Variants in MAP1B observed in about 807,000 individuals in gnomAD.
MAP1B encodes microtubule associated protein 1B.
In MAP1B, 12 loss-of-function variants were observed where a neutral mutation model predicts 176.1. The observed-to-expected ratio is 0.07, with a 90% CI of 0.04 to 0.11. MAP1B has a LOEUF of 0.11. Among genes scored for constraint, MAP1B ranks in the 10% least tolerant of loss-of-function variants. The pLI is 1.00. For missense variants in MAP1B, 2,523 were observed against 2,990.5 expected (o/e 0.84, Z 3.65); for synonymous variants, 1,044 against 1,135.0 (o/e 0.92, Z 1.61).
intron 2 of MAP1B, among the ~76,000 whole-genome samples, chr5:72,129,368 C>T (rs1344995881): frequency 2.0e-5 from 3 of 152,120 alleles, no homozygotes; most frequent in African/African-American, 2.4e-5. Context: ...CCAGCCTGGC[C>T]AACATGGCGA....
At chr5:72,127,610 A>T (rs1031371836) in intron 2 of MAP1B, among the ~76,000 whole-genome samples, 2 of 152,216 alleles carry the variant, frequency 1.3e-5, no homozygotes, top group African/African-American at 4.8e-5. Flanking sequence ...GTATAATTTT[A>T]AAAAAGTTAA....
rs771304361 is a variant in MAP1B at position 72,197,961 on chromosome 5, G to A, written c.4606G>A (p.Glu1536Lys). The A allele has an allele frequency of 1.9e-5, 31 of 1,614,096 alleles. No homozygotes were observed. The Admixed American group carries it at 3.0e-4, about 16-fold the overall frequency. The change falls in exon 5 of 7, where the codon GAG becomes AAG. Residue 1536 changes from glutamate to lysine, a missense_variant. This residue lies in a region of MAP1B where 1,925 missense variants were observed against 2,126.0 expected (regional missense o/e 0.91). Transcript: ENST00000296755. The part of the protein sequence containing the change: ...VSDKSATPVD[E>K]GVAEDTYSHM... ...AGACAAGTCAGCTACTCCTGTTGAT[G>A]AGGGCGTAGCAGAAGACACGTACTC...
rs758090609 is a variant in MAP1B, at chr5:72,186,763, G to C, written c.510+9G>C. The C allele has an allele frequency of 3.1e-6, 5 of 1,613,846 alleles. No individual in the cohort carries two copies. Among genetic ancestry groups the C allele is most frequent in the Non-Finnish European group, 3.4e-6 (4 of 1,180,024 alleles). The stretch of plus-strand genomic sequence containing the variant: ...TTTTCACCGATCAAGAGGTAGGTTC[G>C]TGTCTGAGAATATCTGTGCTTCTAG... On this transcript the variant is annotated intron_variant, in intron 4 of 6. Coordinates refer to ENST00000296755, the MANE Select transcript of MAP1B (RefSeq NM_005909.5). This position sits in a 1 kb window ranked among gnomAD's most constrained non-coding sequence, Gnocchi z 4.3.
intron 1 of MAP1B, among the ~76,000 whole-genome samples, chr5:72,108,574 C>G (rs1453197759): frequency 6.6e-6 from 1 of 152,204 alleles, no homozygotes; most frequent in Admixed American, 6.5e-5. Context: ...ACGCCGGGGA[C>G]CCTGGGCGGG....
At chr5:72,184,386 C>A (rs1346042324) in intron 3 of MAP1B, among the ~76,000 whole-genome samples, 1 of 152,224 alleles carries the variant, frequency 6.6e-6, no homozygotes, top group Non-Finnish European at 1.5e-5. Flanking sequence ...TATTTACTGT[C>A]TTTGTCTCCG....
In MAP1B at chr5:72,197,604, G is replaced by T; in HGVS notation, c.4249G>T (p.Asp1417Tyr). The T allele has an allele frequency of 6.2e-7, 1 of 1,614,182 alleles. No homozygotes were observed. Among genetic ancestry groups the T allele is most frequent in the Non-Finnish European group, 8.5e-7 (1 of 1,180,036 alleles). Residue 1417 changes from aspartate (D) to tyrosine (Y), a missense_variant, in exon 5 of 7, where the codon GAT (aspartate) becomes TAT (tyrosine). Physicochemically the swap from Asp to Tyr is radical, Grantham distance 160. Around this residue, in one of 4 missense-constraint regions of MAP1B, gnomAD observed 1,925 missense variants for 2,126.0 expected, o/e 0.91. Transcript: ENST00000296755. ...ESAYESFLSA[D>Y]DKASGRGAES... is the part of the protein sequence containing the mutation. ...TGCTTATGAAAGTTTTCTAAGTGCT[G>T]ATGACAAGGCTTCTGGCAGAGGTGC...
chr5:72,199,348 G>A lies in MAP1B; in HGVS notation c.5993G>A (p.Gly1998Asp). The A allele has an allele frequency of 5.0e-6, 8 of 1,614,052 alleles. No individual in the cohort carries two copies. Among genetic ancestry groups the A allele is most frequent in the African/African-American group, 1.3e-5 (1 of 75,020 alleles). Reference sequence around the variant, plus strand: ...GGCTATGATGACTCTGAGGATGGTGGCCACACACTTGGGGACCCCAGCTAC... The same window carrying A: ...GGCTATGATGACTCTGAGGATGGTGACCACACACTTGGGGACCCCAGCTAC... The part of the protein sequence containing the change: ...SNGYDDSEDG[G>D]HTLGDPSYSY... Residue 1998 changes from glycine (G) to aspartate (D), a missense_variant, in exon 5 of 7, where the codon GGC (glycine) becomes GAC (aspartate). Around this residue, in one of 4 missense-constraint regions of MAP1B, gnomAD observed 1,925 missense variants for 2,126.0 expected, o/e 0.91. Coordinates refer to ENST00000296755, the MANE Select transcript of MAP1B (RefSeq NM_005909.5). This position sits in a 1 kb window ranked among gnomAD's most constrained non-coding sequence, Gnocchi z 4.2.
intron 2 of MAP1B, among the ~76,000 whole-genome samples, chr5:72,125,830 T>G (rs1468200844): frequency 1.3e-5 from 2 of 151,820 alleles, no homozygotes; most frequent in African/African-American, 4.9e-5. Flanking sequence ...TGGAGCTACA[T>G]TTTAGATTAA....
In MAP1B at chr5:72,200,702, C is replaced by T. The variant is rs578195314; in HGVS notation, c.7012+335C>T. On this transcript the variant is annotated intron_variant, in intron 5 of 6. Transcript: ENST00000296755. ...TCAGGTGCTTCTGGAAGACTGGTTT[C>T]AGCCATACTGGCCTCAGAATCCAGC... is the stretch of plus-strand genomic sequence containing the variant. 2.0e-3 allele frequency among the ~76,000 whole-genome samples: 309 copies of T among 152,290 alleles called. 1 individual carries two copies. The highest frequency in any genetic ancestry group is 7.1e-3 in the African/African-American group (297 of 41,566).
intron 2 of MAP1B, among the ~76,000 whole-genome samples, chr5:72,135,723 C>A (rs1745827882): frequency 6.6e-6 from 1 of 152,156 alleles, no homozygotes; most frequent in Non-Finnish European, 1.5e-5. Flanking sequence ...AAGGATGAAT[C>A]CAATCCAGAT....
chr5:72,186,665 G>C lies in MAP1B; in HGVS notation c.421G>C (p.Gly141Arg), dbSNP rs775427821. ...AARHKLLVLT[G>R]QCFENTGELI... ...CCGACACAAGCTGCTCGTGCTGACC[G>C]GGCAGTGCTTTGAAAATACCGGAGA... is the stretch of plus-strand genomic sequence containing the variant. The change falls in exon 4 of 7, where the codon GGG becomes CGG. Residue 141 changes from glycine (G) to arginine (R), a missense_variant. Physicochemically the swap from Gly to Arg is moderately radical, Grantham distance 125 (BLOSUM62 -2). This residue lies in a region of MAP1B where 307 missense variants were observed against 438.4 expected (regional missense o/e 0.70). Transcript: ENST00000296755. This position sits in a 1 kb window ranked among gnomAD's most constrained non-coding sequence, Gnocchi z 4.3. 11 of 1,614,186 alleles carry C rather than the reference G, an allele frequency of 6.8e-6. No homozygotes were observed. The highest frequency in any genetic ancestry group is 8.5e-6 in the Non-Finnish European group (10 of 1,180,048).
chr5:72,143,348 C>T (rs1302008637), intron 2 of MAP1B, among the ~76,000 whole-genome samples: 1 of 152,068 alleles, frequency 6.6e-6, no homozygotes, highest in East Asian at 1.9e-4. Flanking sequence ...TACAGTGAGG[C>T]CTTGTTTAAG....
chr5:72,202,245 G>A (rs182641783), intron 5 of MAP1B, among the ~76,000 whole-genome samples: 29 of 152,266 alleles, frequency 1.9e-4, no homozygotes, highest in Admixed American at 4.6e-4. Context: ...AGTAGAGGGC[G>A]AAATTGGCAG....
At chr5:72,108,960 A>G (rs1050244486) in intron 1 of MAP1B, among the ~76,000 whole-genome samples, 2 of 152,204 alleles carry the variant, frequency 1.3e-5, no homozygotes, top group Non-Finnish European at 2.9e-5. Context: ...TCCGGGAGAC[A>G]CCGGTTGGTG....
chr5:72,134,352 G>T (rs577195603), intron 2 of MAP1B, among the ~76,000 whole-genome samples: 2 of 152,270 alleles, frequency 1.3e-5, no homozygotes, highest in African/African-American at 4.8e-5. Context: ...CCAGTGAGAA[G>T]GGCTTGCCTG....
chr5:72,138,761 G>A (rs1745884499), intron 2 of MAP1B, among the ~76,000 whole-genome samples: 1 of 152,084 alleles, frequency 6.6e-6, no homozygotes, highest in South Asian at 2.1e-4. Flanking sequence ...GTTCATGAAG[G>A]TATTTTTCAA....
intron 2 of MAP1B, among the ~76,000 whole-genome samples, chr5:72,164,474 G>A (rs1229481415): frequency 6.6e-6 from 1 of 152,194 alleles, no homozygotes; most frequent in African/African-American, 2.4e-5. Context: ...GCTATTCTCT[G>A]GGTCTCTTCT....
intron 2 of MAP1B, among the ~76,000 whole-genome samples, chr5:72,121,041 G>T (rs1458854601): frequency 6.6e-6 from 1 of 152,192 alleles, no homozygotes; most frequent in Non-Finnish European, 1.5e-5. Context: ...AGCTTCTAAG[G>T]TCCTTTGGGC....
At position 72,207,946 on chromosome 5, in the gene MAP1B, T is replaced by C. The variant is rs934916363; in HGVS notation, c.*2707T>C. The C allele has an allele frequency of 1.4e-5, 2 of 145,740 alleles. No homozygotes were observed. Among genetic ancestry groups the C allele is most frequent in the Non-Finnish European group, 3.0e-5 (2 of 66,614 alleles). 9.0% of individuals were successfully genotyped at this position (145,740 alleles called of 1,614,324 possible). A position where few individuals can be genotyped will look rare whatever the true frequency, so the allele number is the denominator to read the frequency against. On this transcript the variant is annotated 3_prime_UTR_variant, in exon 7 of 7. Coordinates refer to ENST00000296755, the MANE Select transcript of MAP1B (RefSeq NM_005909.5). The stretch of plus-strand genomic sequence containing the variant: ...TTATAACCACTCCACCCTCCTCACT[T>C]TCTCTCTCTCTCTCTCTTTTTTTTT...
Sources: gnomAD v4.1 joint callset for allele counts (sites outside exome capture counted in the v4.1 genomes callset) on GRCh38, gnomAD v4.1.1 for gene constraint, gnomAD v4.1.1 regional missense constraint, Gnocchi (gnomAD v3.1) non-coding constraint, MANE v1.5 for transcripts, NCBI Gene and HGNC (gene_info 2026-07-23, HGNC 2026-07-21) for gene names.